ADGRV1: variants seen among roughly 807,000 people sequenced by gnomAD.
ADGRV1 encodes G-protein coupled receptor 98.
In ADGRV1, 359 loss-of-function variants were observed where a neutral mutation model predicts 596.2. The observed-to-expected ratio is 0.60, with a 90% CI of 0.55 to 0.66. The LOEUF (loss-of-function observed/expected upper bound fraction) is 0.66, where lower values mean the gene tolerates loss of function less well. ADGRV1 is among the 30% of genes least tolerant of loss of function. ADGRV1 has a pLI of 0.00. For missense variants in ADGRV1, 7,274 were observed against 7,575.6 expected (o/e 0.96, Z 1.48); for synonymous variants, 2,681 against 2,679.2 (o/e 1.00, Z -0.02).
In ADGRV1 at chr5:90,592,397, T is replaced by G. The variant is rs150133150; in HGVS notation, c.23-22438T>G. Among the ~76,000 whole-genome samples the G allele has an allele frequency of 6.2e-3, 942 of 152,278 alleles. 10 individuals are homozygous for G. The highest frequency in any genetic ancestry group is 0.022 in the African/African-American group (897 of 41,538). ...AACATTGTATGTTCTCATTCATAAG[T>G]GGGAGCTAAGCTATGAGGACGAAAA... On this transcript the variant is annotated intron_variant, in intron 1 of 89. Coordinates refer to ENST00000405460, the MANE Select transcript of ADGRV1 (RefSeq NM_032119.4).
chr5:90,701,989 T>G (rs962396704), intron 34 of ADGRV1, among the ~76,000 whole-genome samples: 1 of 116,988 alleles, frequency 8.5e-6, no homozygotes, highest in African/African-American at 3.3e-5. Flanking sequence ...ATTAACAAAT[T>G]TTGTGATTTG....
At chr5:90,837,483 G>A (rs1050168969) in intron 77 of ADGRV1, among the ~76,000 whole-genome samples, 3 of 150,474 alleles carry the variant, frequency 2.0e-5, no homozygotes, top group Admixed American at 1.3e-4. Flanking sequence ...CTATTCTCCC[G>A]GCTCAGTCTC....
intron 85 of ADGRV1, among the ~76,000 whole-genome samples, chr5:91,000,644 C>T (rs1024553434): frequency 6.7e-6 from 1 of 149,082 alleles, no homozygotes; most frequent in African/African-American, 2.5e-5. Context: ...TGGTGACTCT[C>T]CAGAGAAACA....
In ADGRV1 at chr5:90,802,642, C is replaced by CT. The variant is rs1184323380; in HGVS notation, c.14518-96dup. 4.5e-6 allele frequency: 5 copies of CT among 1,108,834 alleles called. No homozygotes were observed. In the African/African-American group the frequency reaches 6.3e-5, roughly 14 times the overall value. The allele number at this position is 1,108,834 out of a possible 1,614,324, so 68.7% of individuals were successfully genotyped here. On this transcript the variant is annotated intron_variant, in intron 70 of 89. Transcript: ENST00000405460. Reference sequence around the variant, plus strand: ...CATGTATTGATGAAACTGTTTGCTACTAAAGCAACCTCAGGCATTATGCTA... The same window carrying CT: ...CATGTATTGATGAAACTGTTTGCTACTTAAAGCAACCTCAGGCATTATGCTA...
chr5:90,694,087 T>C lies in ADGRV1; in HGVS notation c.7331T>C (p.Leu2444Pro). Reference sequence around the variant, plus strand: ...CTGTATACCTGTGCCACTTTGTGCCTTAAGGAACAAGCTTGCTCAGCGTTT... The same window carrying C: ...CTGTATACCTGTGCCACTTTGTGCCCTAAGGAACAAGCTTGCTCAGCGTTT... The part of the protein sequence containing the change: ...EPLYTCATLC[L>P]KEQACSAFSF... Residue 2444 changes from leucine to proline, a missense_variant, in exon 33 of 90, where the codon CTT (leucine) becomes CCT (proline). Physicochemically the swap from Leu to Pro is moderately conservative, Grantham distance 98. Coordinates refer to ENST00000405460, the MANE Select transcript of ADGRV1 (RefSeq NM_032119.4). 6.2e-7 allele frequency: 1 copy of C among 1,613,836 alleles called. No homozygotes were observed. The highest frequency in any genetic ancestry group is 8.5e-7 in the Non-Finnish European group (1 of 1,179,846).
chr5:90,958,299 A>AAG (rs1554174318), intron 83 of ADGRV1, among the ~76,000 whole-genome samples: 18 of 143,850 alleles, frequency 1.3e-4, no homozygotes, highest in East Asian at 2.0e-4. Context: ...AAAAAAAAAA[A>AAG]AAAAGAAAAG....
chr5:90,729,193 T>C (rs1279151663), intron 49 of ADGRV1, among the ~76,000 whole-genome samples: 1 of 152,188 alleles, frequency 6.6e-6, no homozygotes, highest in East Asian at 1.9e-4. Context: ...AGTTGAAAGA[T>C]ACATGAATAT....
At chr5:91,155,179 T>A (rs1036957589) in intron 89 of ADGRV1, among the ~76,000 whole-genome samples, 2 of 151,852 alleles carry the variant, frequency 1.3e-5, no homozygotes, top group Admixed American at 1.3e-4. Context: ...TAAGAAAGAA[T>A]AAAGTAATGG....
chr5:91,156,588 A>G (rs1796499415), intron 89 of ADGRV1, among the ~76,000 whole-genome samples: 1 of 152,224 alleles, frequency 6.6e-6, no homozygotes, highest in Non-Finnish European at 1.5e-5. Context: ...ATATTACATT[A>G]CATCTTATAT....
At chr5:91,047,138 G>T (rs1351148091) in intron 85 of ADGRV1, among the ~76,000 whole-genome samples, 1 of 152,126 alleles carries the variant, frequency 6.6e-6, no homozygotes, top group African/African-American at 2.4e-5. Flanking sequence ...GTACTGATCT[G>T]GGAGTTCAAA....
chr5:90,810,846 C>T lies in ADGRV1; in HGVS notation c.15586C>T (p.His5196Tyr), dbSNP rs757692537. ...SAIPEKLVTLHGTPAVSEKPD... is the reference protein window; with the variant it reads ...SAIPEKLVTLYGTPAVSEKPD... ...CATCCCTGAGAAACTTGTCACCCTT[C>T]ATGGCACACCTGCTGTGTCTGAAAA... is the stretch of plus-strand genomic sequence containing the variant. Residue 5196 changes from histidine (H) to tyrosine (Y), a missense_variant, in exon 74 of 90, where the codon CAT becomes TAT. By Grantham distance (83) the His-to-Tyr change is moderately conservative. Transcript: ENST00000405460. 2 of 1,614,046 alleles carry T rather than the reference C, an allele frequency of 1.2e-6. No individual in the cohort carries two copies. The highest frequency in any genetic ancestry group is 1.7e-5 in the Admixed American group (1 of 60,016).
intron 59 of ADGRV1, 78 bp from the exon 60 acceptor site, chr5:90,774,108 G>A (rs1345128600): frequency 4.7e-6 from 3 of 638,544 alleles, no homozygotes; most frequent in Admixed American, 2.8e-5. Flanking sequence ...GGACATAAAC[G>A]TTATTCTGCT....
At chr5:90,821,877 G>T (rs1370516322) in intron 75 of ADGRV1, among the ~76,000 whole-genome samples, 1 of 152,164 alleles carries the variant, frequency 6.6e-6, no homozygotes, top group Non-Finnish European at 1.5e-5. Flanking sequence ...TTGTTTGTCT[G>T]TGCCCTGCCC....
At chr5:90,937,241 A>G (rs1476643837) in intron 83 of ADGRV1, among the ~76,000 whole-genome samples, 1 of 152,086 alleles carries the variant, frequency 6.6e-6, no homozygotes, top group East Asian at 1.9e-4. Context: ...AATACTTTTC[A>G]TATACTTTTA....
chr5:90,639,828 GAGTGAA>G (rs538647484), intron 11 of ADGRV1, among the ~76,000 whole-genome samples: 450 of 152,142 alleles, frequency 3.0e-3, no homozygotes, highest in African/African-American at 9.9e-3. Context: ...AACAAAACTT[GAGTGAA>G]AGAATAAATG....
At chr5:90,943,235 G>T (rs527372884) in intron 83 of ADGRV1, among the ~76,000 whole-genome samples, 1 of 140,204 alleles carries the variant, frequency 7.1e-6, no homozygotes, top group Non-Finnish European at 1.6e-5. Context: ...AACAGTAAGG[G>T]GTGGGTGGGT....
At chr5:91,141,808 C>G (rs1795123669) in intron 87 of ADGRV1, among the ~76,000 whole-genome samples, 1 of 152,096 alleles carries the variant, frequency 6.6e-6, no homozygotes, top group Non-Finnish European at 1.5e-5. Context: ...CAAAGACTTC[C>G]CAGGGGTGTC....
intron 82 of ADGRV1, among the ~76,000 whole-genome samples, chr5:90,857,675 A>C (rs1484632791): frequency 6.6e-6 from 1 of 152,138 alleles, no homozygotes; most frequent in East Asian, 1.9e-4. Flanking sequence ...TGTTCTGTCG[A>C]TAAGGAGACA....
chr5:90,948,984 A>C (rs1235386167), intron 83 of ADGRV1, among the ~76,000 whole-genome samples: 1 of 152,124 alleles, frequency 6.6e-6, no homozygotes, highest in East Asian at 1.9e-4. Flanking sequence ...TAAACAACTC[A>C]GGTGTCCATC....
Sources: allele counts gnomAD v4.1 joint callset (sites outside exome capture counted in the v4.1 genomes callset), GRCh38; gene constraint gnomAD v4.1.1; transcripts MANE v1.5; gene names NCBI Gene and HGNC (gene_info 2026-07-23, HGNC 2026-07-21).